SGSM1: variants seen among roughly 807,000 people sequenced by gnomAD.
The protein encoded by SGSM1 is small G protein signaling modulator 1.
SGSM1 carries 73 observed loss-of-function variants against 133.8 expected under a neutral mutation model. The observed-to-expected ratio is 0.55, with a 90% CI of 0.45 to 0.66. The LOEUF (loss-of-function observed/expected upper bound fraction) is 0.66, where lower values mean the gene tolerates loss of function less well. Ranked by LOEUF, SGSM1 falls within the 30% of genes least tolerant of loss-of-function variation. The pLI is 0.00. For synonymous variants in SGSM1, 563 were observed against 573.0 expected (o/e 0.98, Z 0.25); for missense variants, 1,213 against 1,448.1 (o/e 0.84, Z 2.64).
chr22:24,910,849 G>T (rs1273730540), intron 21 of SGSM1, among the ~76,000 whole-genome samples: 2 of 152,140 alleles, frequency 1.3e-5, no homozygotes, highest in Non-Finnish European at 2.9e-5. Flanking sequence ...GGAGGCTGCG[G>T]CAGGAGAAAC....
Position 24,924,656 on chromosome 22 carries a change from G to T in SGSM1, c.*382G>T. ...AGACCTGGGGAGGAAACTTCTTTTT[G>T]GAAATTGGTGTAGAAGAGGTGTGTG... is the stretch of plus-strand genomic sequence containing the variant. On this transcript the variant is annotated 3_prime_UTR_variant, in exon 25 of 25. Transcript: ENST00000400358. 4.2e-6 allele frequency: 1 copy of T among 240,268 alleles called. No individual in the cohort carries two copies. The highest frequency in any genetic ancestry group is 8.2e-6 in the Non-Finnish European group (1 of 122,406). The allele number at this position is 240,268 out of a possible 1,614,324, so 14.9% of individuals were successfully genotyped here.
At chr22:24,882,276 C>T (rs910382949) in intron 14 of SGSM1, among the ~76,000 whole-genome samples, 3 of 152,026 alleles carry the variant, frequency 2.0e-5, no homozygotes, top group Non-Finnish European at 4.4e-5. Flanking sequence ...CACTATGTTG[C>T]CTAGGCTGGT....
intron 2 of SGSM1, among the ~76,000 whole-genome samples, chr22:24,822,902 T>TAA (rs1186270325): frequency 6.6e-6 from 1 of 152,202 alleles, no homozygotes; most frequent in East Asian, 1.9e-4. Flanking sequence ...AAAATGGGAA[T>TAA]AATAACAATG....
At chr22:24,890,955 T>C (rs1168777393) in intron 16 of SGSM1, among the ~76,000 whole-genome samples, 1 of 152,226 alleles carries the variant, frequency 6.6e-6, no homozygotes, top group Non-Finnish European at 1.5e-5. Context: ...TTTTAAAAGA[T>C]ATTTTATATC....
chr22:24,914,970 T>G (rs1332660180), intron 22 of SGSM1, among the ~76,000 whole-genome samples: 1 of 152,164 alleles, frequency 6.6e-6, no homozygotes, highest in Non-Finnish European at 1.5e-5. Context: ...TTCTCACGCT[T>G]GTAATCCCAG....
At chr22:24,890,236 A>T (rs140154617) in intron 16 of SGSM1, among the ~76,000 whole-genome samples, 7 of 151,954 alleles carry the variant, frequency 4.6e-5, no homozygotes, top group South Asian at 2.1e-4. Flanking sequence ...GATTACAGGC[A>T]TGAGCCACCA....
At chr22:24,809,041 A>G (rs1569127912) in intron 2 of SGSM1, among the ~76,000 whole-genome samples, 1 of 152,200 alleles carries the variant, frequency 6.6e-6, no homozygotes, top group Non-Finnish European at 1.5e-5. Context: ...TGACATTTCA[A>G]GGGCACAGAA....
intron 2 of SGSM1, among the ~76,000 whole-genome samples, chr22:24,841,789 A>G (rs993277105): frequency 1.3e-5 from 2 of 152,046 alleles, no homozygotes; most frequent in South Asian, 2.1e-4. Context: ...TTGAGATGGA[A>G]TCTCGCTCTA....
At chr22:24,851,115 A>G (rs11090349) in intron 5 of SGSM1, among the ~76,000 whole-genome samples, 26,372 of 149,840 alleles carry the variant, frequency 0.18, 3,701 homozygotes, top group African/African-American at 0.38. Context: ...AAAAAAAAAA[A>G]AAAAGAAAAA....
At chr22:24,867,978 G>T (rs1441970550) in intron 10 of SGSM1, among the ~76,000 whole-genome samples, 1 of 152,180 alleles carries the variant, frequency 6.6e-6, no homozygotes, top group Non-Finnish European at 1.5e-5. Flanking sequence ...TTCAGTAAGT[G>T]CTCAATACAC....
chr22:24,858,872 A>G (rs189630026), intron 8 of SGSM1, among the ~76,000 whole-genome samples: 61 of 152,340 alleles, frequency 4.0e-4, no homozygotes, highest in Admixed American at 3.7e-3. Flanking sequence ...CCCAAAACTT[A>G]ATTGAAGTGA....
chr22:24,892,419 G>A (rs1014033784), intron 16 of SGSM1, among the ~76,000 whole-genome samples: 2 of 152,178 alleles, frequency 1.3e-5, no homozygotes, highest in African/African-American at 2.4e-5. Flanking sequence ...CAGGGACAAT[G>A]GAAGCTCCCC....
At chr22:24,901,217 A>G (rs1218598179) in intron 19 of SGSM1, 1 of 152,178 alleles carries the variant, frequency 6.6e-6, no homozygotes, top group East Asian at 1.9e-4. Flanking sequence ...CACTGCGGGC[A>G]GGCAATTGTT....
rs9620450 is a variant in SGSM1, at chr22:24,885,502, A to C, written c.1642-1098A>C. 4.8e-3 allele frequency among the ~76,000 whole-genome samples: 703 copies of C among 145,220 alleles called. 9 individuals carry two copies. The highest frequency in any genetic ancestry group is 0.017 in the African/African-American group (663 of 38,738). On this transcript the variant is annotated intron_variant, in intron 15 of 24. Coordinates refer to ENST00000400358, the MANE Select transcript of SGSM1 (RefSeq NM_001098497.3). ...CACCCGGGCTGGAGTGCAGTGGCAC[A>C]ATCTCGGCTCACTGCAAGCTCCGCT...
intron 19 of SGSM1, among the ~76,000 whole-genome samples, chr22:24,900,219 G>T (rs1336913495): frequency 6.6e-6 from 1 of 151,752 alleles, no homozygotes; most frequent in Non-Finnish European, 1.5e-5. Flanking sequence ...ATGGGGTTTT[G>T]CCATGTTGCT....
At chr22:24,832,874 C>T (rs115263966) in intron 2 of SGSM1, among the ~76,000 whole-genome samples, 2,282 of 152,064 alleles carry the variant, frequency 0.015, 49 homozygotes, top group African/African-American at 0.052. Context: ...CTCCTTGGCT[C>T]ATAGGTGGCC....
intron 2 of SGSM1, among the ~76,000 whole-genome samples, chr22:24,808,775 A>G (rs1375161506): frequency 6.6e-6 from 1 of 152,104 alleles, no homozygotes; most frequent in Non-Finnish European, 1.5e-5. Context: ...AGTGTCCTCT[A>G]AGGTCTGACC....
At chr22:24,849,520 C>G in intron 4 of SGSM1, among the ~76,000 whole-genome samples, 1 of 152,130 alleles carries the variant, frequency 6.6e-6, no homozygotes, top group East Asian at 1.9e-4. Context: ...CCATTGCACT[C>G]CAGCCTGGGC....
intron 2 of SGSM1, among the ~76,000 whole-genome samples, chr22:24,811,586 C>T (rs1422086296): frequency 3.3e-5 from 5 of 152,108 alleles, no homozygotes; most frequent in South Asian, 4.1e-4. Context: ...CAATTCCTGG[C>T]CGGGCACTGT....
Sources: gnomAD v4.1 joint callset for allele counts (sites outside exome capture counted in the v4.1 genomes callset) on GRCh38, gnomAD v4.1.1 for gene constraint, MANE v1.5 for transcripts, NCBI Gene and HGNC (gene_info 2026-07-23, HGNC 2026-07-21) for gene names.